Variants in XIRP2 observed in about 807,000 individuals in gnomAD.
XIRP2 encodes the protein xin actin-binding repeat-containing protein 2.
Under a neutral mutation model 277.0 loss-of-function variants are expected in XIRP2, and 236 were observed. The observed-to-expected ratio is 0.85, with a 90% CI of 0.77 to 0.95. The LOEUF is 0.95. Ranked by LOEUF, XIRP2 falls within the 40% of genes least tolerant of loss-of-function variation. The probability of loss-of-function intolerance (pLI) is 0.00; values close to 1 mark genes in which losing one functional copy is unlikely to be tolerated. For synonymous variants in XIRP2, 1,490 were observed against 1,416.5 expected, an observed-to-expected ratio of 1.05 and a Z score of -1.17; for missense variants, 4,640 against 4,157.5, an observed-to-expected ratio of 1.12 and a Z score of -3.19.
intron 2 of XIRP2, among the ~76,000 whole-genome samples, chr2:166,945,663 CTTTTTTTTT>C (rs71395267): frequency 4.3e-5 from 3 of 69,290 alleles, no homozygotes; most frequent in African/African-American, 1.2e-4. Flanking sequence ...TAAGATAAAT[CTTTTTTTTT>C]TTTTTTTTTT....
chr2:166,919,950 C>G lies in XIRP2; in HGVS notation c.408+16060C>G, dbSNP rs373035681. Among the ~76,000 whole-genome samples, 7 of 152,240 alleles carry G rather than the reference C, an allele frequency of 4.6e-5. 1 individual carries two copies. Among genetic ancestry groups the G allele is most frequent in the African/African-American group, 1.7e-4 (7 of 41,542 alleles). ...CAAAAAATACTTATTTATCCAGCACCAGCAATTTTGTTTTCACCAACATAT... is the reference window on the plus strand; with the variant it reads ...CAAAAAATACTTATTTATCCAGCACGAGCAATTTTGTTTTCACCAACATAT... On this transcript the variant is annotated intron_variant, in intron 2 of 10. Transcript: ENST00000409195.
At chr2:167,195,589 G>A (rs1693478357) in intron 3 of XIRP2, among the ~76,000 whole-genome samples, 1 of 152,184 alleles carries the variant, frequency 6.6e-6, no homozygotes, top group South Asian at 2.1e-4. Context: ...TCACTCAGGA[G>A]CGAGGCACTG....
At chr2:167,228,620 G>A (rs1694674303) in intron 5 of XIRP2, among the ~76,000 whole-genome samples, 1 of 152,114 alleles carries the variant, frequency 6.6e-6, no homozygotes, top group South Asian at 2.1e-4. Context: ...ACATTAACGT[G>A]TAGAGGGTGC....
chr2:167,005,011 C>A (rs1015618548), intron 2 of XIRP2, among the ~76,000 whole-genome samples: 19 of 151,638 alleles, frequency 1.3e-4, no homozygotes, highest in African/African-American at 4.6e-4. Flanking sequence ...TTTTTTGTAG[C>A]AGACAGATCA....
At chr2:166,939,679 C>CAAAAAAAAAAAAAAAAAAAAAAAA (rs138977006) in intron 2 of XIRP2, among the ~76,000 whole-genome samples, 3 of 90,668 alleles carry the variant, frequency 3.3e-5, no homozygotes, top group Non-Finnish European at 6.5e-5. Flanking sequence ...GACTCCATCA[C>CAAAAAAAAAAAAAAAAAAAAAAAA]AAAAAAAAAA....
At chr2:167,069,994 A>G (rs1358948098) in intron 2 of XIRP2, among the ~76,000 whole-genome samples, 1 of 151,976 alleles carries the variant, frequency 6.6e-6, no homozygotes, top group Non-Finnish European at 1.5e-5. Flanking sequence ...ACCTTGCACA[A>G]TCTGACCTCA....
chr2:166,917,325 CAGAG>C (rs773341563), intron 2 of XIRP2, among the ~76,000 whole-genome samples: 1 of 152,194 alleles, frequency 6.6e-6, no homozygotes, highest in Admixed American at 6.5e-5. Flanking sequence ...AAACCATAGA[CAGAG>C]AGAGGACATC....
intron 2 of XIRP2, among the ~76,000 whole-genome samples, chr2:167,049,092 T>TTA: frequency 6.6e-6 from 1 of 151,918 alleles, no homozygotes; most frequent in Non-Finnish European, 1.5e-5. Flanking sequence ...TGGAGCTTAC[T>TTA]TCAATGAGTT....
chr2:166,976,463 A>G (rs1028241760), intron 2 of XIRP2, among the ~76,000 whole-genome samples: 2 of 152,030 alleles, frequency 1.3e-5, no homozygotes, highest in African/African-American at 4.8e-5. Flanking sequence ...ATAGCTTTTT[A>G]GCTGTTGTTC....
chr2:167,015,703 A>G (rs1192929119), intron 2 of XIRP2, among the ~76,000 whole-genome samples: 1 of 151,794 alleles, frequency 6.6e-6, no homozygotes, highest in East Asian at 1.9e-4. Flanking sequence ...AGAGCCAGAA[A>G]GAGAAACTTT....
chr2:166,938,757 T>A (rs1027825215), intron 2 of XIRP2, among the ~76,000 whole-genome samples: 1 of 152,222 alleles, frequency 6.6e-6, no homozygotes, highest in African/African-American at 2.4e-5. Flanking sequence ...TCTAAGGAAT[T>A]GCTTTATGAA....
At chr2:167,025,175 A>G (rs898916241) in intron 2 of XIRP2, among the ~76,000 whole-genome samples, 13 of 152,178 alleles carry the variant, frequency 8.5e-5, no homozygotes, top group African/African-American at 3.1e-4. Context: ...TTCCTGGTTT[A>G]GTGTTGGGAG....
At chr2:167,107,592 A>G (rs1439249329) in intron 2 of XIRP2, among the ~76,000 whole-genome samples, 2 of 151,538 alleles carry the variant, frequency 1.3e-5, no homozygotes, top group African/African-American at 2.4e-5. Flanking sequence ...ATTAAAAATT[A>G]TATTTCTTTA....
At position 166,919,498 on chromosome 2, in the gene XIRP2, C is replaced by T. The variant is rs146079774; in HGVS notation, c.408+15608C>T. 1.1e-4 allele frequency among the ~76,000 whole-genome samples: 17 copies of T among 152,270 alleles called. No individual in the cohort carries two copies. The East Asian group carries it at 2.1e-3, about 19-fold the overall frequency. On this transcript the variant is annotated intron_variant, in intron 2 of 10. Transcript: ENST00000409195. ...TTTGTGGAACACTGTCAGGAACATA[C>T]ATTTAAATTAATCAACATGTTCTGA...
At chr2:167,070,427 C>T (rs16852938) in intron 2 of XIRP2, among the ~76,000 whole-genome samples, 1 of 151,952 alleles carries the variant, frequency 6.6e-6, no homozygotes. Context: ...ATTCTGAGCT[C>T]ACTGAACTTC....
intron 3 of XIRP2, among the ~76,000 whole-genome samples, chr2:167,187,125 A>C (rs533666019): frequency 3.9e-5 from 6 of 152,236 alleles, no homozygotes; most frequent in Admixed American, 2.0e-4. Context: ...TGTAGCCTTT[A>C]TACAGAAATT....
At chr2:166,892,189 A>G (rs950258836) in intron 1 of XIRP2, among the ~76,000 whole-genome samples, 7 of 152,122 alleles carry the variant, frequency 4.6e-5, no homozygotes, top group Non-Finnish European at 1.0e-4. Context: ...GATGTTTTTT[A>G]TTCTCAAATT....
At chr2:166,911,316 A>G (rs941565162) in intron 2 of XIRP2, among the ~76,000 whole-genome samples, 1 of 152,176 alleles carries the variant, frequency 6.6e-6, no homozygotes, top group Admixed American at 6.5e-5. Flanking sequence ...GTGCATATAT[A>G]TTTAGAGTAG....
At chr2:166,956,626 G>T (rs1686168171) in intron 2 of XIRP2, among the ~76,000 whole-genome samples, 2 of 151,830 alleles carry the variant, frequency 1.3e-5, no homozygotes, top group South Asian at 4.2e-4. Context: ...GTTGCTAGTT[G>T]TCAGGTCCCA....
Sources: gnomAD v4.1 joint callset for allele counts (sites outside exome capture counted in the v4.1 genomes callset) on GRCh38, gnomAD v4.1.1 for gene constraint, MANE v1.5 for transcripts, NCBI Gene and HGNC (gene_info 2026-07-23, HGNC 2026-07-21) for gene names.